Variants in ABCA8 observed in about 807,000 individuals in gnomAD.
ABCA8 encodes ATP binding cassette subfamily A member 8, also known as ABC-type organic anion transporter ABCA8.
In ABCA8, 177 loss-of-function variants were observed where a neutral mutation model predicts 192.3. The ratio of observed to expected loss-of-function variants is 0.92; its 90% CI spans 0.81 to 1.04. The LOEUF (loss-of-function observed/expected upper bound fraction) is 1.04, where lower values mean the gene tolerates loss of function less well. Ranked by LOEUF, ABCA8 falls within the 50% of genes least tolerant of loss-of-function variation. The pLI is 0.00. For missense variants in ABCA8, 1,915 were observed against 1,904.8 expected, an observed-to-expected ratio of 1.01 and a Z score of -0.10; for synonymous variants, 642 against 690.2, an observed-to-expected ratio of 0.93 and a Z score of 1.09.
intron 11 of ABCA8, among the ~76,000 whole-genome samples, chr17:68,923,302 C>T (rs900079143): frequency 1.1e-4 from 16 of 151,622 alleles, no homozygotes; most frequent in Non-Finnish European, 1.5e-4. Context: ...TGAGTCCAAG[C>T]GATTCTTGTG....
rs2065953464 is a variant in ABCA8 at position 68,867,792 on chromosome 17, T to G, written c.*293A>C. 1 of 215,804 alleles carries G rather than the reference T, an allele frequency of 4.6e-6. No individual in the cohort carries two copies. The highest frequency in any genetic ancestry group is 5.7e-5 in the Admixed American group (1 of 17,394). The allele number at this position is 215,804 out of a possible 1,614,324, so 13.4% of individuals were successfully genotyped here. ...TTAAACAAAATTTGTTTATCTTATC[T>G]AGAAACTTATACGATCATGTAAAAG... On this transcript the variant is annotated 3_prime_UTR_variant, in exon 40 of 40. Transcript: ENST00000586539.
chr17:68,946,331 G>A (rs1319041846), intron 2 of ABCA8, among the ~76,000 whole-genome samples: 1 of 152,112 alleles, frequency 6.6e-6, no homozygotes, highest in Non-Finnish European at 1.5e-5. Context: ...CTCCCAAAGT[G>A]CTGGGATTAC....
chr17:68,946,050 A>AAATTAATTAATTAATT (rs34544091), intron 2 of ABCA8, among the ~76,000 whole-genome samples: 19 of 148,898 alleles, frequency 1.3e-4, no homozygotes, highest in Admixed American at 7.3e-4. Flanking sequence ...CTTTTTACCA[A>AAATTAATTAATTAATT]AATTAATTAA....
intron 2 of ABCA8, among the ~76,000 whole-genome samples, chr17:68,943,598 A>C (rs1217261651): frequency 6.6e-6 from 1 of 152,342 alleles, no homozygotes; most frequent in Non-Finnish European, 1.5e-5. Context: ...GGGTCTATCA[A>C]AGAGCTGAGT....
At chr17:68,890,361 A>G (rs907300549) in intron 24 of ABCA8, among the ~76,000 whole-genome samples, 1 of 152,200 alleles carries the variant, frequency 6.6e-6, no homozygotes, top group Non-Finnish European at 1.5e-5. Flanking sequence ...AAGTATATAT[A>G]CAAATACTTT....
At chr17:68,919,212 C>A in intron 14 of ABCA8, 89 bp downstream of exon 14, 2 of 1,208,466 alleles carry the variant, frequency 1.7e-6, no homozygotes, top group Non-Finnish European at 1.2e-6. Flanking sequence ...CAATGATTTG[C>A]GCACAAATAA....
rs1461864243 is a variant in ABCA8, at chr17:68,949,939, G to T, written c.-166-467C>A. 3.3e-5 allele frequency among the ~76,000 whole-genome samples: 5 copies of T among 152,150 alleles called. No homozygotes were observed. In the South Asian group the frequency reaches 8.3e-4, roughly 25 times the overall value. On this transcript the variant is annotated intron_variant, in intron 1 of 39. Transcript: ENST00000586539. ...ATTCAACATAGTATTGGAAGTTCTGGCCAGTGCAATCAGGCAAGAGAAAGA... is the reference window on the plus strand; with the variant it reads ...ATTCAACATAGTATTGGAAGTTCTGTCCAGTGCAATCAGGCAAGAGAAAGA...
At chr17:68,918,930 CAA>C (rs34377045) in intron 14 of ABCA8, among the ~76,000 whole-genome samples, 9 of 45,950 alleles carry the variant, frequency 2.0e-4, no homozygotes, top group Middle Eastern at 8.9e-3. Context: ...AACTCTGTCT[CAA>C]AAAAAAAAAA....
chr17:68,936,532 T>G (rs2068070355), intron 5 of ABCA8, among the ~76,000 whole-genome samples: 1 of 152,134 alleles, frequency 6.6e-6, no homozygotes, highest in Non-Finnish European at 1.5e-5. Flanking sequence ...TCTATTTATG[T>G]ACATGTCTAT....
chr17:68,949,954 C>A (rs1165805501), intron 1 of ABCA8, among the ~76,000 whole-genome samples: 1 of 152,084 alleles, frequency 6.6e-6, no homozygotes, highest in Non-Finnish European at 1.5e-5. Context: ...TGCAATCAGG[C>A]AAGAGAAAGA....
intron 17 of ABCA8, among the ~76,000 whole-genome samples, chr17:68,910,324 G>GA (rs2067201648): frequency 6.6e-6 from 1 of 152,186 alleles, no homozygotes; most frequent in Non-Finnish European, 1.5e-5. Flanking sequence ...TTGGGGGAGG[G>GA]AGAGGACAGT....
chr17:68,953,080 T>G (rs983578758), intron 1 of ABCA8, among the ~76,000 whole-genome samples: 1 of 152,190 alleles, frequency 6.6e-6, no homozygotes. Context: ...TCCTGAAAAC[T>G]GTAGGACTAG....
At chr17:68,870,789 G>A (rs149768850) in intron 37 of ABCA8, among the ~76,000 whole-genome samples, 52 of 152,276 alleles carry the variant, frequency 3.4e-4, no homozygotes, top group African/African-American at 1.2e-3. Context: ...ATTAAGAATA[G>A]TGCTGCAATG....
chr17:68,942,092 A>G, intron 2 of ABCA8, 53 bp from the exon 3 acceptor site: 1 of 1,314,120 alleles, frequency 7.6e-7, no homozygotes, highest in Non-Finnish European at 1.1e-6. Context: ...TCTTAAGAAA[A>G]AGAAATATCC....
chr17:68,900,126 G>C (rs543529305), intron 21 of ABCA8, among the ~76,000 whole-genome samples: 1 of 152,050 alleles, frequency 6.6e-6, no homozygotes, highest in South Asian at 2.1e-4. Context: ...GAGTGACATA[G>C]ACAATAGAAA....
In ABCA8 at chr17:68,927,902, A is replaced by G. The variant is rs202105147; in HGVS notation, c.1273+14T>C. The G allele has an allele frequency of 1.7e-5, 27 of 1,561,350 alleles. No homozygotes were observed. The African/African-American group carries it at 3.7e-4, about 21-fold the overall frequency. On this transcript the variant is annotated intron_variant, in intron 10 of 39. Coordinates refer to ENST00000586539, the MANE Select transcript of ABCA8 (RefSeq NM_001288985.2). ...ATTTAAATGATATATGATTTTAATC[A>G]TATCATTACTCACTTGGCAAAATTT... is the stretch of plus-strand genomic sequence containing the variant.
intron 30 of ABCA8, 27 bp downstream of exon 30, chr17:68,882,572 T>C (rs1567825008): frequency 6.3e-7 from 1 of 1,592,442 alleles, no homozygotes; most frequent in Admixed American, 1.7e-5. Flanking sequence ...GACTGACTAA[T>C]AAAAAAACCT....
At chr17:68,909,831 A>G (rs1197033008) in intron 17 of ABCA8, among the ~76,000 whole-genome samples, 2 of 152,192 alleles carry the variant, frequency 1.3e-5, no homozygotes, top group African/African-American at 4.8e-5. Context: ...TATTGTTGTC[A>G]TGATAGGTTT....
At chr17:68,918,930 C>CAAAAAAAAAAAAAAAAAAAAAA (rs34377045) in intron 14 of ABCA8, among the ~76,000 whole-genome samples, 1 of 45,950 alleles carries the variant, frequency 2.2e-5, no homozygotes, top group African/African-American at 7.7e-5. Context: ...AACTCTGTCT[C>CAAAAAAAAAAAAAAAAAAAAAA]AAAAAAAAAA....
Sources: gnomAD v4.1 joint callset for allele counts (sites outside exome capture counted in the v4.1 genomes callset) on GRCh38, gnomAD v4.1.1 for gene constraint, MANE v1.5 for transcripts, NCBI Gene and HGNC (gene_info 2026-07-23, HGNC 2026-07-21) for gene names.